Variants in GPC5 observed in about 807,000 individuals in gnomAD.
The protein encoded by GPC5 is glypican 5.
Under a neutral mutation model 53.9 loss-of-function variants are expected in GPC5, and 47 were observed. The observed-to-expected ratio is 0.87, with a 90% CI of 0.69 to 1.11. GPC5 has a LOEUF of 1.11. GPC5 is among the 50% of genes most tolerant of loss of function. GPC5 has a pLI of 0.00. For missense variants in GPC5, 748 were observed against 713.1 expected, an observed-to-expected ratio of 1.05 and a Z score of -0.56; for synonymous variants, 286 against 263.3, an observed-to-expected ratio of 1.09 and a Z score of -0.84.
At position 91,626,058 on chromosome 13, in the gene GPC5, A is replaced by G. The variant is rs181457825; in HGVS notation, c.326-67129A>G. On this transcript the variant is annotated intron_variant, in intron 2 of 7. Transcript: ENST00000377067. Reference sequence around the variant, plus strand: ...ACAATGTATTTTACTCTAAAACAATATCTGGTTTTCTAAGAAGCAATAACT... The same window carrying G: ...ACAATGTATTTTACTCTAAAACAATGTCTGGTTTTCTAAGAAGCAATAACT... Among the ~76,000 whole-genome samples, 16 of 152,232 alleles carry G rather than the reference A, an allele frequency of 1.1e-4. No homozygotes were observed. The East Asian group carries it at 3.1e-3, about 29-fold the overall frequency.
chr13:92,608,541 G>A (rs1884331219), intron 7 of GPC5, among the ~76,000 whole-genome samples: 2 of 152,074 alleles, frequency 1.3e-5, no homozygotes, highest in Admixed American at 1.3e-4. Flanking sequence ...TGCATGTAAG[G>A]GGAAAATTTG....
intron 7 of GPC5, among the ~76,000 whole-genome samples, chr13:92,260,498 C>A: frequency 6.6e-6 from 1 of 152,190 alleles, no homozygotes; most frequent in East Asian, 1.9e-4. Flanking sequence ...CTCCTTGAGG[C>A]AGGCCTTCAC....
intron 6 of GPC5, among the ~76,000 whole-genome samples, chr13:92,133,857 G>GT (rs2041763808): frequency 6.6e-6 from 1 of 152,242 alleles, no homozygotes; most frequent in African/African-American, 2.4e-5. Context: ...GAAAATACAT[G>GT]TTTTTTTCTG....
intron 7 of GPC5, among the ~76,000 whole-genome samples, chr13:92,194,726 G>A (rs1206035054): frequency 6.6e-6 from 1 of 152,204 alleles, no homozygotes; most frequent in Non-Finnish European, 1.5e-5. Flanking sequence ...TAAAAGGAAT[G>A]AGCAGGGGGT....
intron 7 of GPC5, among the ~76,000 whole-genome samples, chr13:92,562,140 T>C (rs117592204): frequency 0.018 from 2,765 of 152,164 alleles, 45 homozygotes; most frequent in Non-Finnish European, 0.024. Context: ...GGTCCAAACA[T>C]GTAACACAGC....
intron 5 of GPC5, among the ~76,000 whole-genome samples, chr13:91,806,166 G>T (rs1340378572): frequency 1.3e-5 from 2 of 150,612 alleles, no homozygotes; most frequent in African/African-American, 4.9e-5. Flanking sequence ...GTCCCGAGTG[G>T]CTGGGACTAC....
At chr13:91,573,185 A>G (rs1052435179) in intron 2 of GPC5, among the ~76,000 whole-genome samples, 4 of 152,182 alleles carry the variant, frequency 2.6e-5, no homozygotes, top group Non-Finnish European at 5.9e-5. Flanking sequence ...CCTCGTTTCC[A>G]AGGCAGAGCT....
intron 5 of GPC5, among the ~76,000 whole-genome samples, chr13:91,814,083 C>A (rs1406530992): frequency 6.6e-6 from 1 of 151,740 alleles, no homozygotes; most frequent in East Asian, 1.9e-4. Flanking sequence ...CAGGCACGTG[C>A]CACCACGCCT....
chr13:92,208,083 T>A (rs2042350202), intron 7 of GPC5, among the ~76,000 whole-genome samples: 1 of 152,194 alleles, frequency 6.6e-6, no homozygotes. Context: ...TAGGTCTGAA[T>A]TCAGCCGTTC....
chr13:91,761,694 G>A (rs1294508069), intron 5 of GPC5, among the ~76,000 whole-genome samples: 1 of 152,206 alleles, frequency 6.6e-6, no homozygotes, highest in Non-Finnish European at 1.5e-5. Context: ...GGGGCAAGGG[G>A]TGATGAGCTT....
chr13:92,711,589 A>G (rs1382550406), intron 7 of GPC5, among the ~76,000 whole-genome samples: 1 of 152,102 alleles, frequency 6.6e-6, no homozygotes, highest in Admixed American at 6.6e-5. Context: ...CCATCAATCA[A>G]CTGTCTCTAA....
intron 2 of GPC5, among the ~76,000 whole-genome samples, chr13:91,634,885 C>T (rs1284938186): frequency 6.6e-6 from 1 of 152,050 alleles, no homozygotes; most frequent in African/African-American, 2.4e-5. Context: ...TGCCACTGTT[C>T]CATTCTGGGG....
chr13:91,874,438 CT>C (rs2039180591), intron 5 of GPC5, among the ~76,000 whole-genome samples: 1 of 152,032 alleles, frequency 6.6e-6, no homozygotes, highest in East Asian at 1.9e-4. Flanking sequence ...ATATGATCCC[CT>C]GGAATGAATA....
intron 7 of GPC5, among the ~76,000 whole-genome samples, chr13:92,377,871 G>A (rs1039093113): frequency 4.6e-5 from 7 of 152,242 alleles, no homozygotes; most frequent in African/African-American, 1.7e-4. Flanking sequence ...ACATGTATAT[G>A]TATGCATAGA....
At position 92,266,935 on chromosome 13, in the gene GPC5, A is replaced by G. The variant is rs571505564; in HGVS notation, c.1561+121946A>G. Among the ~76,000 whole-genome samples, 8 of 152,130 alleles carry G rather than the reference A, an allele frequency of 5.3e-5. No homozygotes were observed. In the East Asian group the frequency reaches 1.5e-3, roughly 29 times the overall value. On this transcript the variant is annotated intron_variant, in intron 7 of 7. Transcript: ENST00000377067. ...CTTAATGACACGGAGCACTGCAAAA[A>G]CAGAAGTTTGGTTTTTGAAGGTTCA... is the stretch of plus-strand genomic sequence containing the variant.
At chr13:91,840,505 C>T (rs926634500) in intron 5 of GPC5, among the ~76,000 whole-genome samples, 6 of 151,760 alleles carry the variant, frequency 4.0e-5, no homozygotes, top group Non-Finnish European at 8.8e-5. Flanking sequence ...GTCAGAATGC[C>T]CTTTCTTAAA....
intron 7 of GPC5, among the ~76,000 whole-genome samples, chr13:92,831,862 T>G (rs1878054876): frequency 6.6e-6 from 1 of 152,094 alleles, no homozygotes; most frequent in Non-Finnish European, 1.5e-5. Context: ...CCCTTACAAT[T>G]TATGTGCACA....
intron 7 of GPC5, among the ~76,000 whole-genome samples, chr13:92,842,925 A>G (rs924745297): frequency 2.0e-5 from 3 of 152,210 alleles, no homozygotes; most frequent in Non-Finnish European, 2.9e-5. Context: ...ACTGAAAACA[A>G]TGACCTGGAA....
At chr13:92,057,727 A>C (rs944662740) in intron 6 of GPC5, among the ~76,000 whole-genome samples, 1 of 152,118 alleles carries the variant, frequency 6.6e-6, no homozygotes, top group African/African-American at 2.4e-5. Context: ...TGATGGTATA[A>C]TGGTTTGAAT....
Sources: allele counts gnomAD v4.1 joint callset (sites outside exome capture counted in the v4.1 genomes callset), GRCh38; gene constraint gnomAD v4.1.1; transcripts MANE v1.5; gene names NCBI Gene and HGNC (gene_info 2026-07-23, HGNC 2026-07-21).